The following AKT3 variants were observed in gnomAD, a reference collection of about 807,000 sequenced individuals.
The protein encoded by AKT3 is RAC-gamma serine/threonine-protein kinase.
AKT3 carries 15 observed loss-of-function variants against 65.3 expected under a neutral mutation model. The ratio of observed to expected loss-of-function variants is 0.23; its 90% CI spans 0.15 to 0.35. AKT3 has a LOEUF of 0.35. Ranked by LOEUF, AKT3 falls within the 10% of genes least tolerant of loss-of-function variation. AKT3 has a pLI of 1.00. For synonymous variants in AKT3, 206 were observed against 183.8 expected, an observed-to-expected ratio of 1.12 and a Z score of -0.98; for missense variants, 243 against 576.5, an observed-to-expected ratio of 0.42 and a Z score of 5.92.
At chr1:243,683,050 T>C (rs1684034638) in intron 3 of AKT3, among the ~76,000 whole-genome samples, 1 of 152,186 alleles carries the variant, frequency 6.6e-6, no homozygotes, top group South Asian at 2.1e-4. Context: ...ATCTTGTATC[T>C]GTGGAATAAG....
intron 2 of AKT3, among the ~76,000 whole-genome samples, chr1:243,728,907 T>C (rs1687377389): frequency 6.6e-6 from 1 of 152,104 alleles, no homozygotes. Context: ...GGCCCTCCAA[T>C]AAGTAGGCAT....
intron 2 of AKT3, among the ~76,000 whole-genome samples, chr1:243,836,781 A>C (rs767582091): frequency 2.0e-5 from 3 of 151,874 alleles, no homozygotes; most frequent in African/African-American, 4.8e-5. Flanking sequence ...ATGGTGGCAC[A>C]TGACTGTAAA....
chr1:243,651,490 T>C (rs1485413562), intron 4 of AKT3, among the ~76,000 whole-genome samples: 3 of 152,222 alleles, frequency 2.0e-5, no homozygotes, highest in African/African-American at 7.2e-5. Context: ...AAGGGAATGC[T>C]TCCAGTTTTT....
intron 2 of AKT3, among the ~76,000 whole-genome samples, chr1:243,745,321 C>G (rs1299732828): frequency 6.6e-6 from 1 of 152,088 alleles, no homozygotes; most frequent in Non-Finnish European, 1.5e-5. Flanking sequence ...GCCTGGGCAA[C>G]AGAGGGAGAT....
At chr1:243,762,137 T>C (rs1425383982) in intron 2 of AKT3, among the ~76,000 whole-genome samples, 1 of 152,152 alleles carries the variant, frequency 6.6e-6, no homozygotes, top group East Asian at 1.9e-4. Context: ...ATTTAGTGAC[T>C]AAATCATGTG....
At chr1:243,544,531 T>C (rs1261575319) in intron 12 of AKT3, among the ~76,000 whole-genome samples, 1 of 151,984 alleles carries the variant, frequency 6.6e-6, no homozygotes, top group Admixed American at 6.6e-5. Flanking sequence ...GGTGAGAGGA[T>C]ACTTGAGCCT....
At chr1:243,724,105 C>A (rs1687072192) in intron 2 of AKT3, among the ~76,000 whole-genome samples, 1 of 152,094 alleles carries the variant, frequency 6.6e-6, no homozygotes, top group African/African-American at 2.4e-5. Context: ...TTCAGAAATG[C>A]TTTTCTGAGC....
At chr1:243,517,377 C>T (rs376975517) in intron 12 of AKT3, among the ~76,000 whole-genome samples, 45 of 152,280 alleles carry the variant, frequency 3.0e-4, no homozygotes, top group African/African-American at 1.0e-3. Context: ...AATTTCTCTC[C>T]AATTGCTGTA....
At chr1:243,629,549 T>C (rs1370851263) in intron 6 of AKT3, among the ~76,000 whole-genome samples, 2 of 152,000 alleles carry the variant, frequency 1.3e-5, no homozygotes, top group Non-Finnish European at 2.9e-5. Context: ...TCCCAGCACT[T>C]TGGGAGGCCA....
intron 3 of AKT3, among the ~76,000 whole-genome samples, chr1:243,669,838 A>C (rs1342328377): frequency 2.6e-5 from 4 of 152,218 alleles, no homozygotes; most frequent in Non-Finnish European, 5.9e-5. Flanking sequence ...ACCTGTATTT[A>C]TGTATAGAGT....
At chr1:243,575,637 T>C (rs1284060918) in intron 8 of AKT3, among the ~76,000 whole-genome samples, 3 of 152,280 alleles carry the variant, frequency 2.0e-5, no homozygotes, top group African/African-American at 4.8e-5. Context: ...AAAAGTACTT[T>C]GAAGGCAAAG....
Position 243,809,003 on chromosome 1 carries a change from G to C in AKT3, c.46+34122C>G, listed in dbSNP as rs1381934040. Among the ~76,000 whole-genome samples the C allele has an allele frequency of 2.6e-5, 4 of 152,150 alleles. No individual in the cohort carries two copies. The East Asian group carries it at 5.8e-4, about 22-fold the overall frequency. ...TGCTGAGAGATTTTGTCACCACCAG[G>C]TCTGCCCTAAAAGAGCTCCTGAAGG... On this transcript the variant is annotated intron_variant, in intron 2 of 13. Transcript: ENST00000673466.
At chr1:243,694,369 AG>A (rs1281850078) in intron 3 of AKT3, among the ~76,000 whole-genome samples, 1 of 152,142 alleles carries the variant, frequency 6.6e-6, no homozygotes, top group Non-Finnish European at 1.5e-5. Context: ...AGTTGACAAT[AG>A]GGTTTAAAAA....
intron 10 of AKT3, among the ~76,000 whole-genome samples, chr1:243,562,405 C>T (rs1673856950): frequency 6.6e-6 from 1 of 152,138 alleles, no homozygotes; most frequent in Admixed American, 6.6e-5. Flanking sequence ...GATAGTTGTA[C>T]AACTCTGTGA....
chr1:243,492,451 A>C (rs1399683046), intron 13 of AKT3, among the ~76,000 whole-genome samples: 1 of 146,586 alleles, frequency 6.8e-6, no homozygotes, highest in Non-Finnish European at 1.5e-5. Flanking sequence ...ACAGGCACCC[A>C]CCACCACACC....
chr1:243,800,295 G>T (rs974365115), intron 2 of AKT3, among the ~76,000 whole-genome samples: 6 of 152,186 alleles, frequency 3.9e-5, no homozygotes, highest in African/African-American at 1.4e-4. Flanking sequence ...ACCTTACAGG[G>T]CTGTTGTGAG....
At chr1:243,841,180 A>AT (rs36028452) in intron 2 of AKT3, among the ~76,000 whole-genome samples, 3,528 of 151,504 alleles carry the variant, frequency 0.023, 131 homozygotes, top group African/African-American at 0.08. Context: ...ATTCTTATTC[A>AT]TTTTTTTTTC....
intron 1 of AKT3, among the ~76,000 whole-genome samples, chr1:243,849,386 A>ACAC (rs1695655591): frequency 1.9e-5 from 2 of 107,022 alleles, no homozygotes; most frequent in Non-Finnish European, 3.6e-5. Context: ...CCACACACAC[A>ACAC]CCCCCCCCCC....
chr1:243,525,895 A>G (rs1013090248), intron 12 of AKT3, among the ~76,000 whole-genome samples: 1 of 144,442 alleles, frequency 6.9e-6, no homozygotes, highest in Non-Finnish European at 1.5e-5. Flanking sequence ...AATGGCTAAA[A>G]GTTTTCCAAA....
Sources: allele counts gnomAD v4.1 joint callset (sites outside exome capture counted in the v4.1 genomes callset), GRCh38; gene constraint gnomAD v4.1.1; transcripts MANE v1.5; gene names NCBI Gene and HGNC (gene_info 2026-07-23, HGNC 2026-07-21).